Variants in WDR43 observed in about 807,000 individuals in gnomAD.
WDR43 encodes WD repeat-containing protein 43.
A neutral mutation model predicts 91.4 loss-of-function variants in WDR43; 13 were observed. The observed-to-expected ratio is 0.14, with a 90% CI of 0.09 to 0.23. WDR43 has a LOEUF of 0.23. Ranked by LOEUF, WDR43 falls within the 10% of genes least tolerant of loss-of-function variation. WDR43 has a pLI of 1.00. For missense variants in WDR43, 780 were observed against 809.4 expected (o/e 0.96, Z 0.44); for synonymous variants, 331 against 287.9 (o/e 1.15, Z -1.51).
chr2:28,905,012 C>T (rs184388149), intron 2 of WDR43: 3 of 152,142 alleles, frequency 2.0e-5, no homozygotes, highest in East Asian at 1.9e-4. Flanking sequence ...GTTGGGAAGG[C>T]CTGGAGGAGA....
chr2:28,904,290 CAT>C (rs777187701), intron 2 of WDR43, among the ~76,000 whole-genome samples: 18 of 152,144 alleles, frequency 1.2e-4, no homozygotes, highest in Non-Finnish European at 2.5e-4. Context: ...GTTGTATGAT[CAT>C]GTGTGAATAA....
chr2:28,903,320 TAGTG>T (rs1670613346), intron 2 of WDR43, among the ~76,000 whole-genome samples: 2 of 152,182 alleles, frequency 1.3e-5, no homozygotes, highest in African/African-American at 2.4e-5. Flanking sequence ...AACCTAAAAT[TAGTG>T]AGCCAAAGGG....
At chr2:28,905,816 TA>T (rs1207062204) in intron 2 of WDR43, among the ~76,000 whole-genome samples, 1 of 151,982 alleles carries the variant, frequency 6.6e-6, no homozygotes, top group Non-Finnish European at 1.5e-5. Context: ...AGGCATGTGC[TA>T]CCACACCCGG....
rs931750283 is a variant in WDR43, at chr2:28,947,507, A to G, written c.*728A>G. 1.3e-5 allele frequency: 2 copies of G among 152,200 alleles called. No homozygotes were observed. Among genetic ancestry groups the G allele is most frequent in the African/African-American group, 2.4e-5 (1 of 41,462 alleles). 9.4% of individuals were successfully genotyped at this position (152,200 alleles called of 1,614,324 possible). On this transcript the variant is annotated 3_prime_UTR_variant, in exon 18 of 18. Coordinates refer to ENST00000407426, the MANE Select transcript of WDR43 (RefSeq NM_015131.3). ...TTTCTTGACTGCAAATTACTTCTAA[A>G]GAATCATCAGTGTATAGATTAGAAG...
intron 15 of WDR43, 43 bp downstream of exon 15, chr2:28,941,617 G>A (rs1262744633): frequency 2.1e-6 from 3 of 1,433,522 alleles, no homozygotes; most frequent in African/African-American, 2.8e-5. Context: ...TTTGGACATG[G>A]TAGGAATGGA....
At position 28,912,666 on chromosome 2, in the gene WDR43, C is replaced by G. The variant is rs1670824827; in HGVS notation, c.562C>G (p.Arg188Gly). The G allele has an allele frequency of 1.2e-6, 2 of 1,613,612 alleles. No individual in the cohort carries two copies. Among genetic ancestry groups the G allele is most frequent in the African/African-American group, 1.3e-5 (1 of 74,832 alleles). Residue 188 changes from arginine (R) to glycine (G), a missense_variant, in exon 4 of 18, where the codon CGA becomes GGA. By Grantham distance (125) the Arg-to-Gly change is moderately radical. Around this residue, in one of 4 missense-constraint regions of WDR43, gnomAD observed 174 missense variants for 207.3 expected, o/e 0.84. Coordinates refer to ENST00000407426, the MANE Select transcript of WDR43 (RefSeq NM_015131.3). ...PDGKMLLSAGRTIKLWVLETK... is the reference protein window; with the variant it reads ...PDGKMLLSAGGTIKLWVLETK... ...TGGAAAGATGTTGCTTTCAGCTGGT[C>G]GAACAATCAAACTATGGGTTTTGGA...
intron 1 of WDR43, among the ~76,000 whole-genome samples, chr2:28,901,085 A>G (rs1670570629): frequency 6.6e-6 from 1 of 152,212 alleles, no homozygotes; most frequent in African/African-American, 2.4e-5. Flanking sequence ...ATCCTGCACT[A>G]TTAAGAAGAT....
intron 15 of WDR43, among the ~76,000 whole-genome samples, 199 bp from the exon 16 acceptor site, chr2:28,942,113 A>T (rs1362041326): frequency 6.6e-6 from 1 of 152,110 alleles, no homozygotes; most frequent in Non-Finnish European, 1.5e-5. Context: ...ATCACCTCAG[A>T]GTTTTTCAGC....
In WDR43 at chr2:28,901,969, G is replaced by A. The variant is rs549615843; in HGVS notation, c.226-18G>A. 1.9e-6 allele frequency: 3 copies of A among 1,581,040 alleles called. No individual in the cohort carries two copies. The highest frequency in any genetic ancestry group is 2.2e-5 in the East Asian group (1 of 44,616). On this transcript the variant is annotated intron_variant, in intron 1 of 17. Transcript: ENST00000407426. ...ATTTGCAATACTAAATAAAAACATTGTTTTTCTTTTTTTCCAGGAAAGTCC... is the reference window on the plus strand; with the variant it reads ...ATTTGCAATACTAAATAAAAACATTATTTTTCTTTTTTTCCAGGAAAGTCC...
At chr2:28,921,748 G>A (rs1177167113) in intron 6 of WDR43, among the ~76,000 whole-genome samples, 1 of 151,814 alleles carries the variant, frequency 6.6e-6, no homozygotes, top group Admixed American at 6.6e-5. Flanking sequence ...GTTTCACCCT[G>A]TTGTCCAGGC....
intron 15 of WDR43, 30 bp from the exon 16 acceptor site, chr2:28,942,282 A>T (rs1179145753): frequency 1.2e-6 from 2 of 1,605,124 alleles, no homozygotes; most frequent in Admixed American, 3.4e-5. Context: ...TTTACACTCT[A>T]CTTCAGAACA....
At chr2:28,915,286 C>T (rs766835017) in intron 5 of WDR43, among the ~76,000 whole-genome samples, 24 of 152,056 alleles carry the variant, frequency 1.6e-4, no homozygotes, top group Non-Finnish European at 2.8e-4. Flanking sequence ...GGTTTTGTTT[C>T]GTGTTTGATT....
intron 1 of WDR43, among the ~76,000 whole-genome samples, chr2:28,896,535 T>C (rs1166267250): frequency 2.0e-5 from 3 of 152,186 alleles, no homozygotes; most frequent in Non-Finnish European, 4.4e-5. Flanking sequence ...TCTGGGAAAC[T>C]AAGCAACTTG....
chr2:28,930,207 A>G (rs771793939), intron 11 of WDR43: 9 of 419,726 alleles, frequency 2.1e-5, no homozygotes, highest in Admixed American at 1.2e-4. Flanking sequence ...AAATATGTAG[A>G]GGTAAAAGTA....
Position 28,896,957 on chromosome 2 carries a change from T to A in WDR43, c.225+2034T>A, listed in dbSNP as rs116723951. 3.7e-3 allele frequency among the ~76,000 whole-genome samples: 562 copies of A among 152,264 alleles called. 3 individuals carry two copies. The highest frequency in any genetic ancestry group is 0.013 in the African/African-American group (531 of 41,548). On this transcript the variant is annotated intron_variant, in intron 1 of 17. Coordinates refer to ENST00000407426, the MANE Select transcript of WDR43 (RefSeq NM_015131.3). ...TGACTATGGAATCCCCTGAAATTAA[T>A]TGCATTTTAAAAAAACTGATTGAAA...
intron 6 of WDR43, 103 bp from the exon 7 acceptor site, chr2:28,922,816 T>TTGG: frequency 8.9e-6 from 4 of 447,230 alleles, no homozygotes; most frequent in Non-Finnish European, 1.1e-5. Flanking sequence ...TTTTTTTTTC[T>TTGG]GGTTGTGTAA....
intron 16 of WDR43, among the ~76,000 whole-genome samples, chr2:28,944,826 G>A (rs3924271): frequency 0.26 from 39,139 of 152,236 alleles, 6,266 homozygotes; most frequent in East Asian, 0.77. Flanking sequence ...TGTAGACAGC[G>A]AAGCTGGACA....
At position 28,938,001 on chromosome 2, in the gene WDR43, C is replaced by G. The variant is rs1194786735; in HGVS notation, c.1620+7C>G. 1 of 1,611,272 alleles carries G rather than the reference C, an allele frequency of 6.2e-7. No homozygotes were observed. Among genetic ancestry groups the G allele is most frequent in the East Asian group, 2.2e-5 (1 of 44,810 alleles). On this transcript the variant is annotated splice_region_variant and intron_variant, in intron 14 of 17. Transcript: ENST00000407426. Reference sequence around the variant, plus strand: ...TGCATCATACCTGTCCACGGTGAGTCTTTTCAGCTTCTGTTGCCGAGTATG... The same window carrying G: ...TGCATCATACCTGTCCACGGTGAGTGTTTTCAGCTTCTGTTGCCGAGTATG...
chr2:28,894,948 G>A, intron 1 of WDR43, 25 bp downstream of exon 1: 2 of 1,506,570 alleles, frequency 1.3e-6, no homozygotes, highest in Non-Finnish European at 1.8e-6. Context: ...ACTGCGCGGG[G>A]CGGGCGCCTT....
Sources: gnomAD v4.1 joint callset for allele counts (sites outside exome capture counted in the v4.1 genomes callset) on GRCh38, gnomAD v4.1.1 for gene constraint, gnomAD v4.1.1 regional missense constraint, MANE v1.5 for transcripts, NCBI Gene and HGNC (gene_info 2026-07-23, HGNC 2026-07-21) for gene names.